Variants in GCN1 observed in about 807,000 individuals in gnomAD.
The protein encoded by GCN1 is stalled ribosome sensor GCN1.
GCN1 carries 90 observed loss-of-function variants against 288.4 expected under a neutral mutation model. That is an observed-to-expected ratio of 0.31 (90% CI 0.26 to 0.37). GCN1 has a LOEUF of 0.37. Ranked by LOEUF, GCN1 falls within the 10% of genes least tolerant of loss-of-function variation. The pLI, the probability that GCN1 is intolerant of heterozygous loss-of-function variation, is 1.00. For synonymous variants in GCN1, 1,386 were observed against 1,420.2 expected (o/e 0.98, Z 0.54); for missense variants, 2,586 against 3,419.9 (o/e 0.76, Z 6.08).
rs568745727 is a variant in GCN1, at chr12:120,152,891, G to T, written c.4062+322C>A. Among the ~76,000 whole-genome samples, 42 of 151,980 alleles carry T rather than the reference G, an allele frequency of 2.8e-4. 3 individuals carry two copies. The East Asian group carries it at 7.9e-3, about 29-fold the overall frequency. On this transcript the variant is annotated intron_variant, in intron 33 of 57. Transcript: ENST00000300648. Reference sequence around the variant, plus strand: ...GTGCACGTTAGTGAATAGAAAAAATGGAACTATCTAGGAGGTCTATTAGAA... The same window carrying T: ...GTGCACGTTAGTGAATAGAAAAAATTGAACTATCTAGGAGGTCTATTAGAA...
At position 120,184,151 on chromosome 12, in the gene GCN1, A is replaced by T; in HGVS notation, c.278T>A (p.Leu93Gln). Residue 93 changes from leucine (L) to glutamine (Q), a missense_variant, in exon 4 of 58, where the codon CTG becomes CAG. Physicochemically the swap from Leu to Gln is moderately radical, Grantham distance 113 (BLOSUM62 -2). This residue lies in a region of GCN1 where 913 missense variants were observed against 1,107.0 expected (regional missense o/e 0.82). Transcript: ENST00000300648. ...TTTGGAGCCTATACCAGAAGACTGC[A>T]GAGAGTGTAGAAGGTTCTTAGCAGT... is the stretch of plus-strand genomic sequence containing the variant. ...EATAKNLLHS[L>Q]QSSGIGSKAG... The T allele has an allele frequency of 6.2e-7, 1 of 1,613,960 alleles. No individual in the cohort carries two copies. The highest frequency in any genetic ancestry group is 8.5e-7 in the Non-Finnish European group (1 of 1,179,842).
intron 2 of GCN1, among the ~76,000 whole-genome samples, chr12:120,188,290 T>C (rs1287301276): frequency 6.6e-6 from 1 of 151,932 alleles, no homozygotes; most frequent in Admixed American, 6.6e-5. Context: ...AAATATTAGC[T>C]GGGCGTGGTA....
chr12:120,169,296 G>A (rs375679434), intron 15 of GCN1, among the ~76,000 whole-genome samples: 3,046 of 53,034 alleles, frequency 0.057, 10 homozygotes, highest in African/African-American at 0.12. Flanking sequence ...AAAAAAAAAA[G>A]AAAAAAAAAA....
chr12:120,165,036 CATAT>C (rs1303147395), intron 16 of GCN1, among the ~76,000 whole-genome samples: 3 of 95,052 alleles, frequency 3.2e-5, no homozygotes, highest in African/African-American at 6.9e-5. Context: ...CACACACACA[CATAT>C]ATATATATAT....
intron 37 of GCN1, 125 bp downstream of exon 37, chr12:120,148,042 C>T: frequency 1.5e-6 from 1 of 671,176 alleles, no homozygotes; most frequent in Non-Finnish European, 2.6e-6. Flanking sequence ...GTCCCTATTT[C>T]ACTGTGAACA....
chr12:120,194,423 G>C (rs1046579542), intron 1 of GCN1, among the ~76,000 whole-genome samples: 1 of 152,250 alleles, frequency 6.6e-6, no homozygotes, highest in Non-Finnish European at 1.5e-5. Context: ...CTGGGGTCGG[G>C]CAAAGGCCCC....
In GCN1 at chr12:120,144,352, G is replaced by A; in HGVS notation, c.5449C>T (p.Leu1817=). Residue 1817 remains leucine (L), a synonymous_variant, in exon 42 of 58, where the codon CTG becomes TTG. Transcript: ENST00000300648. The surrounding 1 kb of genome is among the most constrained non-coding windows in gnomAD (Gnocchi z 4.7). ...MYAETAIALL[L]PQLEQGLFDD... is the part of the protein sequence containing the mutation. ...AAGAGGCCTTGCTCTAGCTGGGGCA[G>A]CAGCAGGGCGATGGCTGTCTCAGCG... The A allele has an allele frequency of 1.9e-6, 3 of 1,614,230 alleles. No individual in the cohort carries two copies. Among genetic ancestry groups the A allele is most frequent in the East Asian group, 4.5e-5 (2 of 44,884 alleles).
intron 44 of GCN1, among the ~76,000 whole-genome samples, chr12:120,141,730 C>T (rs1240387509): frequency 1.3e-5 from 2 of 152,302 alleles, no homozygotes; most frequent in African/African-American, 2.4e-5. Flanking sequence ...AATGGTCTTT[C>T]GCCACCTCCT....
Position 120,161,430 on chromosome 12 carries a change from C to T in GCN1, c.2436+60G>A. 4 of 1,110,636 alleles carry T rather than the reference C, an allele frequency of 3.6e-6. No individual in the cohort carries two copies. In the South Asian group the frequency reaches 5.1e-5, roughly 14 times the overall value. 68.8% of individuals were successfully genotyped at this position (1,110,636 alleles called of 1,614,324 possible). On this transcript the variant is annotated intron_variant, in intron 22 of 57. Coordinates refer to ENST00000300648, the MANE Select transcript of GCN1 (RefSeq NM_006836.2). ...ACAGCATATGTGCAGTGGGAAAAGCCACCAGCTTGAGGCCACCAAGCTCAG... is the reference window on the plus strand; with the variant it reads ...ACAGCATATGTGCAGTGGGAAAAGCTACCAGCTTGAGGCCACCAAGCTCAG...
intron 45 of GCN1, among the ~76,000 whole-genome samples, 184 bp downstream of exon 45, chr12:120,140,675 A>G (rs1449755942): frequency 2.0e-5 from 3 of 152,194 alleles, no homozygotes; most frequent in Non-Finnish European, 2.9e-5. Flanking sequence ...AACTGACAGG[A>G]AAGCTGAGAA....
intron 37 of GCN1, among the ~76,000 whole-genome samples, chr12:120,147,620 T>C (rs1877404063): frequency 6.6e-6 from 1 of 152,248 alleles, no homozygotes; most frequent in South Asian, 2.1e-4. Flanking sequence ...TGATATAATG[T>C]ATTTGTTAAC....
chr12:120,161,450 G>T, intron 22 of GCN1, 40 bp downstream of exon 22: 2 of 1,392,614 alleles, frequency 1.4e-6, no homozygotes, highest in Non-Finnish European at 2.0e-6. Context: ...AGGCCACCAA[G>T]CTCAGCAGCC....
At position 120,155,773 on chromosome 12, in the gene GCN1, G is replaced by A; in HGVS notation, c.3313-54C>T. The A allele has an allele frequency of 1.3e-6, 2 of 1,594,114 alleles. No homozygotes were observed. Among genetic ancestry groups the A allele is most frequent in the Non-Finnish European group, 1.7e-6 (2 of 1,164,426 alleles). On this transcript the variant is annotated intron_variant, in intron 28 of 57. Coordinates refer to ENST00000300648, the MANE Select transcript of GCN1 (RefSeq NM_006836.2). This position sits in a 1 kb window ranked among gnomAD's most constrained non-coding sequence, Gnocchi z 4.9. ...GGCATCATCTTTCAGAAGAGCCTCTGACCTGCCTCCTCACCTCTCTCTAGG... is the reference window on the plus strand; with the variant it reads ...GGCATCATCTTTCAGAAGAGCCTCTAACCTGCCTCCTCACCTCTCTCTAGG...
rs1475565498 is a variant in GCN1, at chr12:120,130,759, G to A, written c.7564-6C>T. The A allele has an allele frequency of 1.9e-6, 3 of 1,595,516 alleles. No individual in the cohort carries two copies. The South Asian group carries it at 3.3e-5, about 18-fold the overall frequency. On this transcript the variant is annotated splice_polypyrimidine_tract_variant and splice_region_variant and intron_variant, in intron 55 of 57. Transcript: ENST00000300648. Reference sequence around the variant, plus strand: ...CCGCTCACCGCAATGGGGATCTGTGGAGAACAGACAGCGCTAGACGGGAGG... The same window carrying A: ...CCGCTCACCGCAATGGGGATCTGTGAAGAACAGACAGCGCTAGACGGGAGG...
chr12:120,130,364 A>C (rs1429914285), intron 56 of GCN1, among the ~76,000 whole-genome samples: 1 of 152,188 alleles, frequency 6.6e-6, no homozygotes, highest in East Asian at 1.9e-4. Context: ...AATTTTACAA[A>C]ACTACGGTGC....
At chr12:120,182,567 T>G (rs184062373) in intron 5 of GCN1, among the ~76,000 whole-genome samples, 1 of 151,844 alleles carries the variant, frequency 6.6e-6, no homozygotes, top group South Asian at 2.1e-4. Context: ...ACAGGGTGAG[T>G]AGTATTTTCT....
chr12:120,153,948 G>C lies in GCN1; in HGVS notation c.3702-39C>G. On this transcript the variant is annotated intron_variant, in intron 31 of 57. Coordinates refer to ENST00000300648, the MANE Select transcript of GCN1 (RefSeq NM_006836.2). This position sits in a 1 kb window ranked among gnomAD's most constrained non-coding sequence, Gnocchi z 4.4. ...GGGAGCACATCAGGAGGGGCAGTCA[G>C]GGGGCCTCCTCTGCCAGTGGAACCT... is the stretch of plus-strand genomic sequence containing the variant. 6.4e-7 allele frequency: 1 copy of C among 1,571,878 alleles called. No individual in the cohort carries two copies. Among genetic ancestry groups the C allele is most frequent in the South Asian group, 1.1e-5 (1 of 88,002 alleles).
chr12:120,174,070 C>A lies in GCN1; in HGVS notation c.1192+1G>T, dbSNP rs1186365036. The A allele has an allele frequency of 6.4e-7, 1 of 1,563,100 alleles. No homozygotes were observed. Among genetic ancestry groups the A allele is most frequent in the Non-Finnish European group, 8.8e-7 (1 of 1,133,632 alleles). On this transcript the variant is annotated splice_donor_variant, in intron 13 of 57. Coordinates refer to ENST00000300648, the MANE Select transcript of GCN1 (RefSeq NM_006836.2). LOFTEE classifies it high-confidence loss of function. ...ATGCTCACCATGTTGCACAGAATTA[C>A]CTTCCTGCTGAAGGAACGGGATGAA...
At chr12:120,189,150 A>G (rs537132053) in intron 2 of GCN1, among the ~76,000 whole-genome samples, 2 of 152,086 alleles carry the variant, frequency 1.3e-5, no homozygotes, top group East Asian at 3.9e-4. Flanking sequence ...GCTCACTGCA[A>G]CCTCCACTGC....
Sources: allele counts gnomAD v4.1 joint callset (sites outside exome capture counted in the v4.1 genomes callset), GRCh38; gene constraint gnomAD v4.1.1; regional missense constraint gnomAD v4.1.1; non-coding constraint Gnocchi (gnomAD v3.1); transcripts MANE v1.5; gene names NCBI Gene and HGNC (gene_info 2026-07-23, HGNC 2026-07-21).